Variants in DLG2 observed in about 807,000 individuals in gnomAD.
DLG2 encodes discs large MAGUK scaffold protein 2, also known as disks large homolog 2.
DLG2 carries 45 observed loss-of-function variants against 132.5 expected under a neutral mutation model. That is an observed-to-expected ratio of 0.34 (90% CI 0.27 to 0.44). The LOEUF (loss-of-function observed/expected upper bound fraction) is 0.44. Among genes scored for constraint, DLG2 ranks in the 20% least tolerant of loss-of-function variants. The pLI is 1.00. For missense variants in DLG2, 1,045 were observed against 1,196.9 expected, an observed-to-expected ratio of 0.87 and a Z score of 1.87; for synonymous variants, 424 against 419.6, an observed-to-expected ratio of 1.01 and a Z score of -0.13.
intron 18 of DLG2, among the ~76,000 whole-genome samples, chr11:83,743,892 G>T (rs11233737): frequency 0.031 from 4,718 of 152,238 alleles, 252 homozygotes; most frequent in African/African-American, 0.11. Flanking sequence ...TATTTATTAC[G>T]TACTGGGTAT....
At chr11:84,462,941 C>T (rs930243493) in intron 7 of DLG2, among the ~76,000 whole-genome samples, 13 of 151,148 alleles carry the variant, frequency 8.6e-5, no homozygotes, top group African/African-American at 1.7e-4. Flanking sequence ...TTTTTAACAA[C>T]GTAAGAGCTA....
intron 3 of DLG2, among the ~76,000 whole-genome samples, chr11:85,531,099 C>T (rs1429444936): frequency 1.3e-5 from 2 of 152,172 alleles, no homozygotes; most frequent in Non-Finnish European, 2.9e-5. Flanking sequence ...TTACATTATT[C>T]CCTTTCCTTA....
intron 3 of DLG2, among the ~76,000 whole-genome samples, chr11:85,472,394 C>T (rs540214493): frequency 4.3e-4 from 66 of 152,254 alleles, no homozygotes; most frequent in Admixed American, 2.4e-3. Flanking sequence ...CTCCACCTCC[C>T]GGGTTCAAGT....
chr11:84,492,930 A>G (rs940694306), intron 7 of DLG2, among the ~76,000 whole-genome samples: 5 of 152,144 alleles, frequency 3.3e-5, no homozygotes, highest in African/African-American at 1.2e-4. Flanking sequence ...TTATATAATA[A>G]TATCATATTT....
chr11:84,502,226 CCTTCCTTCCTTCCT>C lies in DLG2; in HGVS notation c.519+32330_519+32343del, dbSNP rs2099213081. Among the ~76,000 whole-genome samples, 13 of 19,058 alleles carry C rather than the reference CCTTCCTTCCTTCCT, an allele frequency of 6.8e-4. 3 individuals are homozygous for C. The highest frequency in any genetic ancestry group is 1.5e-3 in the Admixed American group (4 of 2,660). 12.5% of individuals were successfully genotyped at this position (19,058 alleles called of 152,430 possible). ...TCCTTCCTTCCTTCCTTCCTTCCTTCCTTCCTTCCTTCCTTCCTTCCTTCCTTCCTTCCTTCCTT... is the reference window on the plus strand; with the variant it reads ...TCCTTCCTTCCTTCCTTCCTTCCTTCTCCTTCCTTCCTTCCTTCCTTCCTT... On this transcript the variant is annotated intron_variant, in intron 7 of 27. Coordinates refer to ENST00000376104, the MANE Select transcript of DLG2 (RefSeq NM_001142699.3).
intron 7 of DLG2, among the ~76,000 whole-genome samples, chr11:84,469,410 C>T (rs956253193): frequency 6.6e-6 from 1 of 151,472 alleles, no homozygotes; most frequent in African/African-American, 2.4e-5. Flanking sequence ...ATTTGTATGG[C>T]CTTGGAATTA....
At chr11:85,351,850 G>T (rs1431494959) in intron 3 of DLG2, among the ~76,000 whole-genome samples, 1 of 152,108 alleles carries the variant, frequency 6.6e-6, no homozygotes, top group Non-Finnish European at 1.5e-5. Flanking sequence ...TATTCATCAG[G>T]GATATTGGGC....
chr11:85,486,950 T>C (rs2093442826), intron 3 of DLG2, among the ~76,000 whole-genome samples: 1 of 150,744 alleles, frequency 6.6e-6, no homozygotes, highest in South Asian at 2.1e-4. Context: ...ACTAGTGTCC[T>C]AGTCCCATGC....
chr11:85,615,858 C>G (rs756494552), intron 2 of DLG2, among the ~76,000 whole-genome samples: 1 of 151,952 alleles, frequency 6.6e-6, no homozygotes, highest in Non-Finnish European at 1.5e-5. Context: ...AAGCTGAACC[C>G]AAACCACTGA....
At position 83,863,817 on chromosome 11, in the gene DLG2, C is replaced by A. The variant is rs993061199; in HGVS notation, c.1565+10603G>T. Among the ~76,000 whole-genome samples the A allele has an allele frequency of 1.8e-4, 28 of 152,084 alleles. 1 individual carries two copies. The highest frequency in any genetic ancestry group is 6.5e-4 in the African/African-American group (27 of 41,448). ...TACAGATATGCCAAAAGGCCATCTT[C>A]TTTAAATTATACCAGGCTGCTATAC... is the stretch of plus-strand genomic sequence containing the variant. On this transcript the variant is annotated intron_variant, in intron 16 of 27. Coordinates refer to ENST00000376104, the MANE Select transcript of DLG2 (RefSeq NM_001142699.3).
At chr11:84,709,753 T>C (rs560433148) in intron 6 of DLG2, among the ~76,000 whole-genome samples, 9 of 151,874 alleles carry the variant, frequency 5.9e-5, no homozygotes, top group Non-Finnish European at 1.2e-4. Context: ...CCCACTTCTA[T>C]CCAAGGGGAA....
intron 6 of DLG2, among the ~76,000 whole-genome samples, chr11:84,907,060 TGTTTTCATGAGAGACTAA>T (rs2091593969): frequency 6.6e-6 from 1 of 152,210 alleles, no homozygotes; most frequent in African/African-American, 2.4e-5. Flanking sequence ...AAGCTGAATT[TGTTTTCATGAGAGACTAA>T]CTGCTAACTG....
In DLG2 at chr11:85,266,222, A is replaced by G. The variant is rs2152725649; in HGVS notation, c.186+18998T>C. 1.3e-5 allele frequency among the ~76,000 whole-genome samples: 2 copies of G among 152,350 alleles called. 1 individual carries two copies. The highest frequency in any genetic ancestry group is 4.1e-4 in the South Asian group (2 of 4,826). On this transcript the variant is annotated intron_variant, in intron 4 of 27. Transcript: ENST00000376104. ...TGGAATTTGCTCCTGTAAGGGCCAA[A>G]GTGTCTGGCAAGTTCCTGCACTCTC...
rs140151063 is a variant in DLG2 at position 83,851,282 on chromosome 11, C to T, written c.1566-17512G>A. ...GATGTTAGATGTTAAGAAGAGGTCA[C>T]AGTGGAGTAGAATGAGTCCCTTATC... On this transcript the variant is annotated intron_variant, in intron 16 of 27. Coordinates refer to ENST00000376104, the MANE Select transcript of DLG2 (RefSeq NM_001142699.3). Among the ~76,000 whole-genome samples, 580 of 152,122 alleles carry T rather than the reference C, an allele frequency of 3.8e-3. 2 individuals carry two copies. Among genetic ancestry groups the T allele is most frequent in the Non-Finnish European group, 4.6e-3 (310 of 68,012 alleles).
chr11:85,064,063 AC>A (rs1566768914), intron 6 of DLG2, among the ~76,000 whole-genome samples: 1 of 151,848 alleles, frequency 6.6e-6, no homozygotes, highest in Non-Finnish European at 1.5e-5. Context: ...TTGTTAAAAA[AC>A]AAATACGAGG....
intron 3 of DLG2, among the ~76,000 whole-genome samples, chr11:85,484,028 C>A (rs2093363252): frequency 6.8e-6 from 1 of 146,958 alleles, no homozygotes; most frequent in East Asian, 2.0e-4. Context: ...TGGTAAACTC[C>A]ATTTAAGGCT....
chr11:83,659,938 C>T lies in DLG2; in HGVS notation c.1826-26613G>A, dbSNP rs570984737. On this transcript the variant is annotated intron_variant, in intron 18 of 27. Transcript: ENST00000376104. ...GGCCCTCAGAGTGCCTATCTCAATGCTATTATTTGCTGAATCCTAAATTGG... is the reference window on the plus strand; with the variant it reads ...GGCCCTCAGAGTGCCTATCTCAATGTTATTATTTGCTGAATCCTAAATTGG... 3.4e-3 allele frequency among the ~76,000 whole-genome samples: 517 copies of T among 152,280 alleles called. 1 individual carries two copies. Among genetic ancestry groups the T allele is most frequent in the African/African-American group, 0.012 (501 of 41,554 alleles).
chr11:84,897,705 G>C (rs1220242721), intron 6 of DLG2, among the ~76,000 whole-genome samples: 1 of 151,816 alleles, frequency 6.6e-6, no homozygotes. Context: ...ATTAGATGCT[G>C]AGTTTTAAGG....
intron 19 of DLG2, among the ~76,000 whole-genome samples, chr11:83,607,949 A>G (rs2059579606): frequency 6.6e-6 from 1 of 152,210 alleles, no homozygotes; most frequent in South Asian, 2.1e-4. Context: ...TCAGAATAGT[A>G]GTTATTTCTC....
Sources: allele counts gnomAD v4.1 joint callset (sites outside exome capture counted in the v4.1 genomes callset), GRCh38; gene constraint gnomAD v4.1.1; transcripts MANE v1.5; gene names NCBI Gene and HGNC (gene_info 2026-07-23, HGNC 2026-07-21).